The following PERP variants were observed in gnomAD, a reference collection of about 807,000 sequenced individuals.
The protein encoded by PERP is p53 apoptosis effector related to PMP22, also known as p53 apoptosis effector related to PMP-22.
A neutral mutation model predicts 20.3 loss-of-function variants in PERP; 11 were observed. That is an observed-to-expected ratio of 0.54 (90% CI 0.34 to 0.90). PERP has a LOEUF of 0.90. Among genes scored for constraint, PERP ranks in the 40% least tolerant of loss-of-function variants. PERP has a pLI of 0.02. For missense variants in PERP, 224 were observed against 249.4 expected (o/e 0.90, Z 0.69); for synonymous variants, 101 against 102.0 (o/e 0.99, Z 0.06).
chr6:138,092,228 C>T lies in PERP; in HGVS notation c.396G>A (p.Lys132=). ...CATGAAGGGTGAAGGTCTGGGTGTA[C>T]TTCACGGGGTAAATTACCAGGGAGA... The part of the protein sequence containing the change: ...QIISLVIYPV[K]YTQTFTLHAN... Residue 132 remains lysine, a synonymous_variant, in exon 3 of 3, where the codon AAG becomes AAA. Transcript: ENST00000421351. The T allele has an allele frequency of 6.2e-7, 1 of 1,614,020 alleles. No homozygotes were observed. The highest frequency in any genetic ancestry group is 8.5e-7 in the Non-Finnish European group (1 of 1,179,956).
chr6:138,105,653 G>A (rs757702662), intron 1 of PERP, among the ~76,000 whole-genome samples: 2 of 152,196 alleles, frequency 1.3e-5, no homozygotes, highest in African/African-American at 2.4e-5. Context: ...TATATGTGGA[G>A]GATTACTGCA....
At chr6:138,096,897 C>T (rs1582966418) in intron 1 of PERP, among the ~76,000 whole-genome samples, 1 of 152,252 alleles carries the variant, frequency 6.6e-6, no homozygotes, top group East Asian at 1.9e-4. Flanking sequence ...ATTATAAACT[C>T]TAGGAAATGT....
chr6:138,095,706 A>G (rs1775676722), intron 2 of PERP, among the ~76,000 whole-genome samples: 1 of 152,118 alleles, frequency 6.6e-6, no homozygotes, highest in South Asian at 2.1e-4. Context: ...AGTGCCACAG[A>G]CCTGACTAAA....
At position 138,089,148 on chromosome 6, in the gene PERP, C is replaced by T. The variant is rs1775539518; in HGVS notation, c.*2894G>A. On this transcript the variant is annotated 3_prime_UTR_variant, in exon 3 of 3. Coordinates refer to ENST00000421351, the MANE Select transcript of PERP (RefSeq NM_022121.5). ...CAGCAGGGAGATGACCTGCCCAAGC[C>T]TGCACAGATAGCAAGGACCAAAGTT... 3 of 152,078 alleles carry T rather than the reference C, an allele frequency of 2.0e-5. No individual in the cohort carries two copies. The South Asian group carries it at 6.2e-4, about 32-fold the overall frequency. The allele number at this position is 152,078 out of a possible 1,614,324, so 9.4% of individuals were successfully genotyped here.
chr6:138,096,481 T>C lies in PERP; in HGVS notation c.228A>G (p.Ala76=). Reference sequence around the variant, plus strand: ...AGCCACAGAAGAGCATGGCAGCCGCTGCTCTACCCCACGCTGCAAGAAAAA... The same window carrying C: ...AGCCACAGAAGAGCATGGCAGCCGCCGCTCTACCCCACGCTGCAAGAAAAA... ...QSLMEYAWGR[A]AAAMLFCGFI... The change falls in exon 2 of 3, where the codon GCA becomes GCG. Residue 76 remains alanine, a synonymous_variant. Coordinates refer to ENST00000421351, the MANE Select transcript of PERP (RefSeq NM_022121.5). 1.9e-6 allele frequency: 3 copies of C among 1,613,086 alleles called. No homozygotes were observed. The highest frequency in any genetic ancestry group is 2.5e-6 in the Non-Finnish European group (3 of 1,179,588).
intron 1 of PERP, among the ~76,000 whole-genome samples, chr6:138,105,412 T>C (rs1775827457): frequency 6.6e-6 from 1 of 152,240 alleles, no homozygotes; most frequent in Non-Finnish European, 1.5e-5. Flanking sequence ...AAAAACCTGC[T>C]TATTGCCTTC....
chr6:138,096,256 A>C lies in PERP; in HGVS notation c.355+98T>G. 2.8e-6 allele frequency: 4 copies of C among 1,428,528 alleles called. No individual in the cohort carries two copies. The South Asian group carries it at 5.6e-5, about 20-fold the overall frequency. The allele number at this position is 1,428,528 out of a possible 1,614,324, so 88.5% of individuals were successfully genotyped here. A position where few individuals can be genotyped will look rare whatever the true frequency, so the allele number is the denominator to read the frequency against. ...GATACATTTTCCGAGAACAGATTAGAAACTGTAACAGTCACGGGTCTTCTT... is the reference window on the plus strand; with the variant it reads ...GATACATTTTCCGAGAACAGATTAGCAACTGTAACAGTCACGGGTCTTCTT... On this transcript the variant is annotated intron_variant, in intron 2 of 2. Coordinates refer to ENST00000421351, the MANE Select transcript of PERP (RefSeq NM_022121.5).
intron 2 of PERP, 109 bp downstream of exon 2, chr6:138,096,245 G>A: frequency 7.3e-7 from 1 of 1,360,578 alleles, no homozygotes. Flanking sequence ...CATTTTCCGA[G>A]AACAGATTAG....
At chr6:138,100,543 T>G (rs1775754417) in intron 1 of PERP, among the ~76,000 whole-genome samples, 1 of 74,366 alleles carries the variant, frequency 1.3e-5, no homozygotes, top group Non-Finnish European at 2.9e-5. Flanking sequence ...ATACCAGATT[T>G]GTGTGTGTGT....
At chr6:138,092,535 T>C (rs1259157614) in intron 2 of PERP, among the ~76,000 whole-genome samples, 1 of 152,192 alleles carries the variant, frequency 6.6e-6, no homozygotes, top group African/African-American at 2.4e-5. Flanking sequence ...ATCCATTCTA[T>C]ATTACATAAG....
chr6:138,096,141 G>A (rs969935414), intron 2 of PERP, among the ~76,000 whole-genome samples: 5 of 152,132 alleles, frequency 3.3e-5, no homozygotes, highest in African/African-American at 9.7e-5. Flanking sequence ...CCTGTCACTC[G>A]GATGGGGACT....
At chr6:138,097,724 A>T (rs1775716882) in intron 1 of PERP, among the ~76,000 whole-genome samples, 1 of 152,204 alleles carries the variant, frequency 6.6e-6, no homozygotes, top group South Asian at 2.1e-4. Context: ...GCCTGTTTGA[A>T]TCCAAAACAT....
At chr6:138,106,762 G>A (rs898758976) in intron 1 of PERP, among the ~76,000 whole-genome samples, 1 of 152,172 alleles carries the variant, frequency 6.6e-6, no homozygotes, top group Non-Finnish European at 1.5e-5. Flanking sequence ...AAACGAGAAG[G>A]AAGAGAAATG....
rs186294060 is a variant in PERP, at chr6:138,103,309, C to T, written c.214+3818G>A. On this transcript the variant is annotated intron_variant, in intron 1 of 2. Coordinates refer to ENST00000421351, the MANE Select transcript of PERP (RefSeq NM_022121.5). ...AGATTACAGGTGCCTGTCACCATGC[C>T]GGGCTAATTTTTTTGTATTTTTAGT... Among the ~76,000 whole-genome samples the T allele has an allele frequency of 9.9e-5, 15 of 151,844 alleles. No individual in the cohort carries two copies. The East Asian group carries it at 1.8e-3, about 18-fold the overall frequency.
In PERP at chr6:138,091,748, C is replaced by A; in HGVS notation, c.*294G>T. 1 of 238,146 alleles carries A rather than the reference C, an allele frequency of 4.2e-6. No individual in the cohort carries two copies. Among genetic ancestry groups the A allele is most frequent in the Non-Finnish European group, 8.2e-6 (1 of 122,252 alleles). 14.8% of individuals were successfully genotyped at this position (238,146 alleles called of 1,614,324 possible). On this transcript the variant is annotated 3_prime_UTR_variant, in exon 3 of 3. Transcript: ENST00000421351. ...TTTTACCTTATAAAGTGTTAAGTTT[C>A]ACGTGCATATTCTCTTACAAATGTA...
At chr6:138,093,092 G>T (rs541666197) in intron 2 of PERP, among the ~76,000 whole-genome samples, 2 of 152,276 alleles carry the variant, frequency 1.3e-5, no homozygotes, top group South Asian at 4.1e-4. Context: ...ACATTATTGA[G>T]TCTACTTTCG....
intron 1 of PERP, among the ~76,000 whole-genome samples, chr6:138,106,826 A>G (rs953231191): frequency 1.3e-5 from 2 of 151,886 alleles, no homozygotes; most frequent in Non-Finnish European, 2.9e-5. Context: ...ACTCATCTAA[A>G]CTTGCAATGC....
rs1191659655 is a variant in PERP at position 138,088,863 on chromosome 6, T to A, written c.*3179A>T. The A allele has an allele frequency of 6.6e-6, 1 of 152,102 alleles. No homozygotes were observed. The highest frequency in any genetic ancestry group is 1.5e-5 in the Non-Finnish European group (1 of 68,036). The allele number at this position is 152,102 out of a possible 1,614,324, so 9.4% of individuals were successfully genotyped here. ...TAAATCTGAAACCACACTACAGAAA[T>A]TATTTTATATATTACTTATTTTTAA... On this transcript the variant is annotated 3_prime_UTR_variant, in exon 3 of 3. Coordinates refer to ENST00000421351, the MANE Select transcript of PERP (RefSeq NM_022121.5).
Position 138,090,263 on chromosome 6 carries a change from T to C in PERP, c.*1779A>G, listed in dbSNP as rs765782375. The C allele has an allele frequency of 6.6e-6, 1 of 152,098 alleles. No homozygotes were observed. Among genetic ancestry groups the C allele is most frequent in the Non-Finnish European group, 1.5e-5 (1 of 68,036 alleles). The allele number at this position is 152,098 out of a possible 1,614,324, so 9.4% of individuals were successfully genotyped here. ...CAACAGTAGCCCTAGGGAGATATAT[T>C]TCCGTTCTCCCACCCAGCCTCTCTG... On this transcript the variant is annotated 3_prime_UTR_variant, in exon 3 of 3. Transcript: ENST00000421351.
Sources: gnomAD v4.1 joint callset for allele counts (sites outside exome capture counted in the v4.1 genomes callset) on GRCh38, gnomAD v4.1.1 for gene constraint, MANE v1.5 for transcripts, NCBI Gene and HGNC (gene_info 2026-07-23, HGNC 2026-07-21) for gene names.